SNAP47: variants seen among roughly 807,000 people sequenced by gnomAD.
SNAP47 encodes synaptosomal-associated protein 47.
In SNAP47, 20 loss-of-function variants were observed where a neutral mutation model predicts 31.4. That is an observed-to-expected ratio of 0.64 (90% CI 0.45 to 0.93). The LOEUF is 0.93. Ranked by LOEUF, SNAP47 falls within the 40% of genes least tolerant of loss-of-function variation. The pLI, the probability that SNAP47 is intolerant of heterozygous loss-of-function variation, is 0.00. For missense variants in SNAP47, 492 were observed against 528.5 expected, an observed-to-expected ratio of 0.93 and a Z score of 0.68; for synonymous variants, 194 against 213.4, an observed-to-expected ratio of 0.91 and a Z score of 0.79.
chr1:227,770,406 T>G (rs1245430360), intron 4 of SNAP47, among the ~76,000 whole-genome samples: 1 of 152,072 alleles, frequency 6.6e-6, no homozygotes, highest in Non-Finnish European at 1.5e-5. Context: ...CCTCACGTCT[T>G]TGTTTGGCAG....
At chr1:227,751,049 G>T (rs989672265) in intron 2 of SNAP47, among the ~76,000 whole-genome samples, 1 of 152,180 alleles carries the variant, frequency 6.6e-6, no homozygotes, top group African/African-American at 2.4e-5. Context: ...GAAATGTAGT[G>T]GGTGACCCAA....
upstream of SNAP47, chr1:227,733,080 C>A: frequency 6.3e-7 from 1 of 1,593,704 alleles, no homozygotes; most frequent in Non-Finnish European, 8.6e-7. Flanking sequence ...TGCCCCCTGA[C>A]CAACCCACAT....
rs531102972 is a variant in SNAP47 at position 227,779,293 on chromosome 1, GCATGTGTCC to G, written c.1114-1231_1114-1223del. 5.2e-3 allele frequency among the ~76,000 whole-genome samples: 792 copies of G among 152,324 alleles called. 8 individuals are homozygous for G. The highest frequency in any genetic ancestry group is 0.018 in the African/African-American group (760 of 41,558). ...TGCTTGTGACCCTGAATCCCAAGCT[GCATGTGTCC>G]CACTGCTGGCCACCCTGCTGGGGAG... On this transcript the variant is annotated intron_variant, in intron 4 of 4. Transcript: ENST00000617596.
rs1264225666 is a variant in SNAP47, at chr1:227,735,536, A to G, written c.-46+37A>G. 35 of 1,364,022 alleles carry G rather than the reference A, an allele frequency of 2.6e-5. No individual in the cohort carries two copies. In the East Asian group the frequency reaches 1.0e-3, roughly 40 times the overall value. The allele number at this position is 1,364,022 out of a possible 1,614,324, so 84.5% of individuals were successfully genotyped here. On this transcript the variant is annotated intron_variant, in intron 1 of 4. Transcript: ENST00000617596. ...TGTTGGTCTGTTGGGCGCCCGGCCCAAGCCAAGCCGTAGCGTCCGCCCTCG... is the reference window on the plus strand; with the variant it reads ...TGTTGGTCTGTTGGGCGCCCGGCCCGAGCCAAGCCGTAGCGTCCGCCCTCG...
chr1:227,758,359 C>T (rs114118158), intron 2 of SNAP47, among the ~76,000 whole-genome samples: 1 of 152,196 alleles, frequency 6.6e-6, no homozygotes, highest in Non-Finnish European at 1.5e-5. Flanking sequence ...CAGCTTCTGT[C>T]CCCACACCTG....
chr1:227,760,233 T>A (rs1446269400), intron 3 of SNAP47, among the ~76,000 whole-genome samples: 4 of 152,246 alleles, frequency 2.6e-5, no homozygotes. Flanking sequence ...CATTTTGATG[T>A]GGGAACCAGC....
upstream of SNAP47, chr1:227,735,414 G>A (rs1176640384): frequency 6.4e-7 from 1 of 1,551,616 alleles, no homozygotes; most frequent in South Asian, 1.2e-5. Flanking sequence ...GCACGCATGC[G>A]CGCGGCTCGC....
upstream of SNAP47, chr1:227,733,294 T>A (rs964928641): frequency 9.0e-7 from 1 of 1,104,976 alleles, no homozygotes; most frequent in Non-Finnish European, 1.3e-6. Context: ...TGTGAAGGGG[T>A]CAGCCTCACC....
rs1663097589 is a variant in SNAP47, at chr1:227,762,054, C to T, written c.988+2569C>T. ...GAGTGTGGGTTGTAGCCACAGCGAGCACCGTCTTTTCACTTGCACAGCTGC... is the reference window on the plus strand; with the variant it reads ...GAGTGTGGGTTGTAGCCACAGCGAGTACCGTCTTTTCACTTGCACAGCTGC... On this transcript the variant is annotated intron_variant, in intron 3 of 4. Transcript: ENST00000617596. This position sits in a 1 kb window ranked among gnomAD's most constrained non-coding sequence, Gnocchi z 4.2. 6.6e-6 allele frequency among the ~76,000 whole-genome samples: 1 copy of T among 152,232 alleles called. No individual in the cohort carries two copies. Among genetic ancestry groups the T allele is most frequent in the South Asian group, 2.1e-4 (1 of 4,832 alleles).
At chr1:227,733,097 C>A (rs974715930), upstream of SNAP47, 3 of 1,535,764 alleles carry the variant, frequency 2.0e-6, no homozygotes, top group South Asian at 1.2e-5. Flanking sequence ...ACATCTCCTG[C>A]GCCAGGAACC....
intron 4 of SNAP47, chr1:227,777,165 A>G (rs1424430525): frequency 1.0e-5 from 8 of 794,826 alleles, no homozygotes; most frequent in Non-Finnish European, 1.2e-5. Flanking sequence ...GTCATAGACA[A>G]TATTTTTAGG....
intron 3 of SNAP47, among the ~76,000 whole-genome samples, chr1:227,764,772 T>C (rs539433506): frequency 1.2e-4 from 18 of 152,110 alleles, no homozygotes; most frequent in African/African-American, 3.4e-4. Flanking sequence ...GGTGTGGTGG[T>C]GTGCACCTGT....
chr1:227,767,952 C>T (rs1448642247), intron 4 of SNAP47, among the ~76,000 whole-genome samples: 3 of 152,252 alleles, frequency 2.0e-5, no homozygotes, highest in Non-Finnish European at 2.9e-5. Context: ...ATACTCCTAT[C>T]TTGTCCAGAG....
chr1:227,776,943 A>G (rs914852106), intron 4 of SNAP47: 19 of 985,318 alleles, frequency 1.9e-5, no homozygotes, highest in Admixed American at 1.8e-4. Context: ...GTCTGTGTAC[A>G]CAATAAAATA....
intron 4 of SNAP47, among the ~76,000 whole-genome samples, chr1:227,767,571 GTGTA>G (rs1048161387): frequency 1.3e-5 from 2 of 152,154 alleles, no homozygotes; most frequent in Non-Finnish European, 2.9e-5. Flanking sequence ...TGTGTTGTGT[GTGTA>G]TGCACATGTG....
At chr1:227,736,730 C>G (rs1347666215) in intron 1 of SNAP47, among the ~76,000 whole-genome samples, 1 of 146,166 alleles carries the variant, frequency 6.8e-6, no homozygotes, top group Non-Finnish European at 1.5e-5. Context: ...CTGTGTTGCC[C>G]AAGCCGGTGT....
upstream of SNAP47, chr1:227,732,516 T>C (rs752510372): frequency 6.2e-7 from 1 of 1,613,362 alleles, no homozygotes; most frequent in Non-Finnish European, 8.5e-7. Flanking sequence ...GGCCAGCACC[T>C]CTGTGATGCG....
At chr1:227,754,294 G>C (rs1662560095) in intron 2 of SNAP47, among the ~76,000 whole-genome samples, 1 of 152,332 alleles carries the variant, frequency 6.6e-6, no homozygotes, top group South Asian at 2.1e-4. Flanking sequence ...TTACTGATGT[G>C]CTCCTCTTGA....
upstream of SNAP47, chr1:227,733,026 T>G: frequency 6.2e-7 from 1 of 1,613,454 alleles, no homozygotes; most frequent in Non-Finnish European, 8.5e-7. Flanking sequence ...GATGGTGTCA[T>G]CCTGGAAGGG....
Sources: gnomAD v4.1 joint callset for allele counts (sites outside exome capture counted in the v4.1 genomes callset) on GRCh38, gnomAD v4.1.1 for gene constraint, Gnocchi (gnomAD v3.1) non-coding constraint, MANE v1.5 for transcripts, NCBI Gene and HGNC (gene_info 2026-07-23, HGNC 2026-07-21) for gene names.